The following MEIOB variants were observed in gnomAD, a reference collection of about 807,000 sequenced individuals.
MEIOB encodes the protein meiosis-specific with OB domain-containing protein.
In MEIOB, 50 loss-of-function variants were observed where a neutral mutation model predicts 53.1. The observed-to-expected ratio is 0.94, with a 90% CI of 0.75 to 1.19. The LOEUF (loss-of-function observed/expected upper bound fraction) is 1.19. Ranked by LOEUF, MEIOB falls within the 50% of genes most tolerant of loss-of-function variation. The pLI is 0.00. For synonymous variants in MEIOB, 192 were observed against 182.5 expected (o/e 1.05, Z -0.42); for missense variants, 551 against 550.8 (o/e 1.00, Z 0.00).
chr16:1,865,559 A>ATG (rs1567281984), intron 3 of MEIOB, among the ~76,000 whole-genome samples: 2 of 152,040 alleles, frequency 1.3e-5, no homozygotes, highest in Non-Finnish European at 2.9e-5. Context: ...ATATACACAT[A>ATG]TGTGTGTATG....
At chr16:1,839,472 T>G (rs771191531) in intron 11 of MEIOB, 34 bp from the exon 12 acceptor site, 2 of 1,551,410 alleles carry the variant, frequency 1.3e-6, no homozygotes, top group Admixed American at 3.9e-5. Context: ...TAAAATGTGA[T>G]GCCCTAAGCT....
In MEIOB at chr16:1,844,851, C is replaced by A; in HGVS notation, c.880+11G>T. ...TTAAAAAAATCCAAATATATTTAAA[C>A]GGTCACTTACAATTTATGGATTCTT... On this transcript the variant is annotated intron_variant, in intron 10 of 13. Transcript: ENST00000325962. 7.1e-7 allele frequency: 1 copy of A among 1,417,696 alleles called. No individual in the cohort carries two copies. Among genetic ancestry groups the A allele is most frequent in the South Asian group, 1.2e-5 (1 of 80,882 alleles). 87.8% of individuals were successfully genotyped at this position (1,417,696 alleles called of 1,614,324 possible).
Position 1,857,315 on chromosome 16 carries a change from C to A in MEIOB, c.528+420G>T, listed in dbSNP as rs1438523243. 2.6e-5 allele frequency among the ~76,000 whole-genome samples: 4 copies of A among 152,268 alleles called. No individual in the cohort carries two copies. The East Asian group carries it at 5.8e-4, about 22-fold the overall frequency. On this transcript the variant is annotated intron_variant, in intron 6 of 13. Coordinates refer to ENST00000325962, the MANE Select transcript of MEIOB (RefSeq NM_001163560.3). ...CAGCAGGGCAGCGTGTATTCCCACT[C>A]CCTCCCTGGTTGCTGGGCAGCTCTG...
In MEIOB at chr16:1,853,141, G is replaced by A. The variant is rs779895795; in HGVS notation, c.683-7C>T. On this transcript the variant is annotated splice_region_variant and splice_polypyrimidine_tract_variant and intron_variant, in intron 8 of 13. Coordinates refer to ENST00000325962, the MANE Select transcript of MEIOB (RefSeq NM_001163560.3). ...ACATCTGAGGCAAATATTACTGTTT[G>A]GGAAAAAAGCCATTTAAAATTATTA... The A allele has an allele frequency of 2.5e-6, 4 of 1,604,348 alleles. No individual in the cohort carries two copies. Among genetic ancestry groups the A allele is most frequent in the African/African-American group, 1.3e-5 (1 of 74,744 alleles).
At chr16:1,847,056 C>A (rs1567275208) in intron 9 of MEIOB, among the ~76,000 whole-genome samples, 1 of 151,216 alleles carries the variant, frequency 6.6e-6, no homozygotes, top group Admixed American at 6.6e-5. Flanking sequence ...TCAGGAGGCT[C>A]AGGCAGGGGA....
At chr16:1,866,297 T>C (rs935633564) in intron 2 of MEIOB, among the ~76,000 whole-genome samples, 2 of 152,244 alleles carry the variant, frequency 1.3e-5, no homozygotes, top group African/African-American at 4.8e-5. Context: ...GTAACAAAAC[T>C]TATATTTTGC....
intron 6 of MEIOB, among the ~76,000 whole-genome samples, chr16:1,856,333 T>C (rs145392573): frequency 0.83 from 123,770 of 149,870 alleles, 51,237 homozygotes; most frequent in Middle Eastern, 0.89. Flanking sequence ...TTTTTTTTTT[T>C]TTTTGAGTCG....
chr16:1,838,050 G>T, intron 12 of MEIOB, 180 bp from the exon 13 acceptor site: 1 of 1,202,222 alleles, frequency 8.3e-7, no homozygotes, highest in South Asian at 1.6e-5. Flanking sequence ...AAGCTGGAGT[G>T]CAGCAGTGCT....
At chr16:1,837,200 TTTAA>T (rs143636881) in intron 13 of MEIOB, among the ~76,000 whole-genome samples, 18,893 of 152,112 alleles carry the variant, frequency 0.12, 1,185 homozygotes, top group South Asian at 0.13. Flanking sequence ...GGTTAGCAAA[TTTAA>T]TTAACCTCTG....
chr16:1,858,412 G>A (rs563466055), intron 5 of MEIOB, among the ~76,000 whole-genome samples: 6 of 152,070 alleles, frequency 3.9e-5, no homozygotes, highest in East Asian at 3.9e-4. Flanking sequence ...CTCCTGCACC[G>A]AGTCCCTCCC....
Position 1,855,920 on chromosome 16 carries a change from T to C in MEIOB, c.529-1720A>G, listed in dbSNP as rs557624964. Among the ~76,000 whole-genome samples the C allele has an allele frequency of 7.3e-5, 9 of 123,770 alleles. No individual in the cohort carries two copies. The East Asian group carries it at 2.2e-3, about 30-fold the overall frequency. 81.2% of individuals were successfully genotyped at this position (123,770 alleles called of 152,430 possible). On this transcript the variant is annotated intron_variant, in intron 6 of 13. Coordinates refer to ENST00000325962, the MANE Select transcript of MEIOB (RefSeq NM_001163560.3). ...ACTTACATGAACTATCATAAGCATG[T>C]GTGTTTTTTCCTTTTTTTTTTTTTT... is the stretch of plus-strand genomic sequence containing the variant.
At chr16:1,842,019 A>G in intron 10 of MEIOB, 46 bp from the exon 11 acceptor site, 2 of 1,302,924 alleles carry the variant, frequency 1.5e-6, no homozygotes, top group Non-Finnish European at 2.0e-6. Context: ...ATTCTAAAAA[A>G]TATAAAAGGT....
At chr16:1,835,710 G>C (rs529989946) in intron 13 of MEIOB, among the ~76,000 whole-genome samples, 19 of 152,254 alleles carry the variant, frequency 1.2e-4, no homozygotes, top group African/African-American at 3.9e-4. Context: ...ACAGTGATTC[G>C]AATGACCCTG....
chr16:1,866,946 T>G (rs1161770320), intron 2 of MEIOB, among the ~76,000 whole-genome samples: 1 of 152,190 alleles, frequency 6.6e-6, no homozygotes, highest in Non-Finnish European at 1.5e-5. Context: ...CAATTCCTTA[T>G]ACTTGCAGAT....
rs572046850 is a variant in MEIOB at position 1,853,841 on chromosome 16, T to G, written c.629+259A>C. On this transcript the variant is annotated intron_variant, in intron 7 of 13. Transcript: ENST00000325962. ...TCCATGGGACCTAATAAAACATCAT[T>G]TGTTACACGACAGAATTCAATAATA... is the stretch of plus-strand genomic sequence containing the variant. 9.2e-5 allele frequency among the ~76,000 whole-genome samples: 14 copies of G among 152,228 alleles called. No homozygotes were observed. In the South Asian group the frequency reaches 2.7e-3, roughly 29 times the overall value.
At chr16:1,838,267 T>C (rs1231133560) in intron 12 of MEIOB, 3 of 412,280 alleles carry the variant, frequency 7.3e-6, no homozygotes, top group African/African-American at 2.0e-5. Flanking sequence ...CCCAAAGTGG[T>C]AGGATTACAG....
chr16:1,836,230 T>C (rs1037455219), intron 13 of MEIOB, among the ~76,000 whole-genome samples: 4 of 152,210 alleles, frequency 2.6e-5, no homozygotes, highest in African/African-American at 9.7e-5. Flanking sequence ...ATTTGTAAAA[T>C]ACTGTGTTAC....
intron 4 of MEIOB, 99 bp from the exon 5 acceptor site, chr16:1,860,574 C>T: frequency 1.4e-6 from 1 of 691,610 alleles, no homozygotes; most frequent in Middle Eastern, 3.2e-4. Flanking sequence ...TCATCATCGA[C>T]TCTAGGCTTT....
At chr16:1,847,318 C>T (rs1224149631) in intron 9 of MEIOB, among the ~76,000 whole-genome samples, 1 of 151,724 alleles carries the variant, frequency 6.6e-6, no homozygotes, top group Non-Finnish European at 1.5e-5. Flanking sequence ...AAAAATTAGC[C>T]ATGTGTGGTG....
Sources: allele counts gnomAD v4.1 joint callset (sites outside exome capture counted in the v4.1 genomes callset), GRCh38; gene constraint gnomAD v4.1.1; transcripts MANE v1.5; gene names NCBI Gene and HGNC (gene_info 2026-07-23, HGNC 2026-07-21).